The following RBFOX1 variants were observed in gnomAD, a reference collection of about 807,000 sequenced individuals.
The protein encoded by RBFOX1 is RNA binding protein fox-1 homolog 1.
A neutral mutation model predicts 57.7 loss-of-function variants in RBFOX1; 8 were observed. The observed-to-expected ratio is 0.14, with a 90% CI of 0.08 to 0.25. The LOEUF (loss-of-function observed/expected upper bound fraction) is 0.25, where lower values mean the gene tolerates loss of function less well. Among genes scored for constraint, RBFOX1 ranks in the 10% least tolerant of loss-of-function variants. The probability of loss-of-function intolerance (pLI) is 1.00; values close to 1 mark genes in which losing one functional copy is unlikely to be tolerated. For missense variants in RBFOX1, 611 were observed against 548.5 expected, an observed-to-expected ratio of 1.11 and a Z score of -1.14; for synonymous variants, 326 against 222.4, an observed-to-expected ratio of 1.47 and a Z score of -4.15.
chr16:7,246,817 C>T (rs988728431), intron 4 of RBFOX1, among the ~76,000 whole-genome samples: 1 of 152,046 alleles, frequency 6.6e-6, no homozygotes, highest in Non-Finnish European at 1.5e-5. Flanking sequence ...GGCTGACTGA[C>T]TGATCAAAGA....
chr16:7,525,573 C>T (rs1314337973), intron 5 of RBFOX1, among the ~76,000 whole-genome samples: 2 of 152,182 alleles, frequency 1.3e-5, no homozygotes, highest in Admixed American at 6.5e-5. Flanking sequence ...CACCCTTGCC[C>T]AACCCAATGT....
chr16:7,651,088 C>T (rs2064954414), intron 11 of RBFOX1, among the ~76,000 whole-genome samples: 1 of 152,066 alleles, frequency 6.6e-6, no homozygotes, highest in Non-Finnish European at 1.5e-5. Flanking sequence ...TAAAAATAAC[C>T]TTTATGGTCT....
At chr16:7,682,716 G>A (rs9936825) in intron 14 of RBFOX1, among the ~76,000 whole-genome samples, 10,676 of 151,324 alleles carry the variant, frequency 0.071, 1,256 homozygotes, top group African/African-American at 0.24. Flanking sequence ...AGAAAAGCAC[G>A]TCCAGGTTTT....
At chr16:7,395,615 G>C (rs1273072025) in intron 4 of RBFOX1, among the ~76,000 whole-genome samples, 1 of 152,200 alleles carries the variant, frequency 6.6e-6, no homozygotes, top group Non-Finnish European at 1.5e-5. Flanking sequence ...TGTGGGGATT[G>C]AGGGGGTGTT....
chr16:6,067,661 A>C (rs1225410858), intron 1 of RBFOX1, among the ~76,000 whole-genome samples: 2 of 152,210 alleles, frequency 1.3e-5, no homozygotes, highest in South Asian at 2.1e-4. Flanking sequence ...TCTCCATAGA[A>C]GGAATTATCT....
chr16:6,808,947 A>G (rs1013612875), intron 3 of RBFOX1, among the ~76,000 whole-genome samples: 3 of 152,192 alleles, frequency 2.0e-5, no homozygotes, highest in Admixed American at 1.3e-4. Context: ...AGGACTCTGT[A>G]CTTCTATATT....
At chr16:7,587,134 T>C (rs762272282) in intron 6 of RBFOX1, 113 bp from the exon 7 acceptor site, 4 of 1,226,298 alleles carry the variant, frequency 3.3e-6, no homozygotes, top group Non-Finnish European at 4.2e-6. Context: ...ATAAAATGTG[T>C]ATCCTTGGTA....
chr16:6,947,017 C>T (rs2079669236), intron 3 of RBFOX1, among the ~76,000 whole-genome samples: 1 of 152,138 alleles, frequency 6.6e-6, no homozygotes, highest in African/African-American at 2.4e-5. Context: ...TGAGCAAGTC[C>T]CTTCACCTCT....
chr16:6,000,123 T>C lies in RBFOX1; in HGVS notation c.351+132788T>C, dbSNP rs373201448. Among the ~76,000 whole-genome samples the C allele has an allele frequency of 8.5e-5, 13 of 152,142 alleles. No individual in the cohort carries two copies. The East Asian group carries it at 9.7e-4, about 11-fold the overall frequency. The stretch of plus-strand genomic sequence containing the variant: ...GGCCTTACCTCCTCCTATTATCTCA[T>C]AGGACACGTTCACTCAGTGAGAGAA... On this transcript the variant is annotated intron_variant, in intron 4 of 19. Coordinates refer to the RBFOX1 transcript ENST00000641259.
chr16:6,999,051 TAG>T (rs1568298573), intron 3 of RBFOX1, among the ~76,000 whole-genome samples: 1 of 151,318 alleles, frequency 6.6e-6, no homozygotes, highest in Non-Finnish European at 1.5e-5. Context: ...GTATTATTAG[TAG>T]AGACAGGGTT....
At chr16:5,831,869 G>T (rs547102816) in intron 3 of RBFOX1, among the ~76,000 whole-genome samples, 94 of 152,294 alleles carry the variant, frequency 6.2e-4, no homozygotes, top group African/African-American at 2.2e-3. Flanking sequence ...GCTCTTTTAA[G>T]TGAATGACCC....
intron 2 of RBFOX1, among the ~76,000 whole-genome samples, chr16:6,373,250 T>C (rs1297550318): frequency 6.6e-6 from 1 of 151,038 alleles, no homozygotes; most frequent in East Asian, 2.0e-4. Context: ...GGTAGGAGGA[T>C]AGTGTAGAAT....
At chr16:5,809,120 A>G (rs539615166) in intron 3 of RBFOX1, among the ~76,000 whole-genome samples, 2 of 152,250 alleles carry the variant, frequency 1.3e-5, no homozygotes, top group Non-Finnish European at 2.9e-5. Flanking sequence ...GGCTAGCCAC[A>G]TGGAGAAAGC....
chr16:5,454,840 C>CCTTTCTTTCTTTCTTTT (rs2068539451), intron 1 of RBFOX1, among the ~76,000 whole-genome samples: 1 of 104,838 alleles, frequency 9.5e-6, no homozygotes, highest in South Asian at 3.1e-4. Flanking sequence ...TGCTTTCTTT[C>CCTTTCTTTCTTTCTTTT]CTTTCTTTCT....
At chr16:5,604,555 C>T (rs899553782), downstream of RBFOX1, among the ~76,000 whole-genome samples, 84 of 152,328 alleles carry the variant, frequency 5.5e-4, no homozygotes, top group African/African-American at 1.8e-3. Flanking sequence ...ATGTTAGCAA[C>T]ATGGAGTCTT....
chr16:7,511,867 GGGTCTT>G (rs761022660), intron 4 of RBFOX1, among the ~76,000 whole-genome samples: 21,057 of 152,120 alleles, frequency 0.14, 1,537 homozygotes, highest in African/African-American at 0.18. Flanking sequence ...CAGCAATAGT[GGGTCTT>G]AAAGCGTGAG....
chr16:7,411,032 G>A, intron 4 of RBFOX1, among the ~76,000 whole-genome samples: 1 of 152,110 alleles, frequency 6.6e-6, no homozygotes, highest in African/African-American at 2.4e-5. Context: ...TGCACCCTCT[G>A]CCTCTTGAGT....
intron 4 of RBFOX1, among the ~76,000 whole-genome samples, chr16:7,099,210 C>G (rs972508826): frequency 3.3e-5 from 5 of 152,180 alleles, no homozygotes; most frequent in Non-Finnish European, 5.9e-5. Flanking sequence ...ACAATGTCTT[C>G]TGCATACGTG....
intron 1 of RBFOX1, among the ~76,000 whole-genome samples, chr16:6,290,121 C>T (rs1050449419): frequency 1.3e-5 from 2 of 150,512 alleles, no homozygotes; most frequent in African/African-American, 2.4e-5. Flanking sequence ...TAGCTTGGAT[C>T]GTTGTATTTA....
Sources: allele counts gnomAD v4.1 joint callset (sites outside exome capture counted in the v4.1 genomes callset), GRCh38; gene constraint gnomAD v4.1.1; transcripts MANE v1.5; gene names NCBI Gene and HGNC (gene_info 2026-07-23, HGNC 2026-07-21).